ULK4: variants seen among roughly 807,000 people sequenced by gnomAD.
ULK4 encodes the protein inactive serine/threonine-protein kinase ULK4.
ULK4 carries 133 observed loss-of-function variants against 160.6 expected under a neutral mutation model. The observed-to-expected ratio is 0.83, with a 90% CI of 0.72 to 0.96. The LOEUF is 0.96. Among genes scored for constraint, ULK4 ranks in the 40% least tolerant of loss-of-function variants. The pLI, the probability that ULK4 is intolerant of heterozygous loss-of-function variation, is 0.00. For missense variants in ULK4, 1,580 were observed against 1,499.5 expected, an observed-to-expected ratio of 1.05 and a Z score of -0.89; for synonymous variants, 534 against 539.8, an observed-to-expected ratio of 0.99 and a Z score of 0.15.
intron 11 of ULK4, among the ~76,000 whole-genome samples, chr3:41,908,617 TG>T (rs1176581598): frequency 6.6e-6 from 1 of 151,998 alleles, no homozygotes; most frequent in Non-Finnish European, 1.5e-5. Context: ...GGCTAATTTT[TG>T]TATTTTTAGT....
intron 19 of ULK4, among the ~76,000 whole-genome samples, chr3:41,806,460 A>G (rs1356242712): frequency 5.3e-5 from 8 of 152,052 alleles, no homozygotes; most frequent in Admixed American, 3.3e-4. Context: ...AATTTTTTCA[A>G]GGGTTTTTTG....
intron 32 of ULK4, among the ~76,000 whole-genome samples, chr3:41,562,176 T>G (rs749920460): frequency 2.1e-4 from 32 of 152,202 alleles, no homozygotes; most frequent in Non-Finnish European, 4.4e-4. Flanking sequence ...CAGTTTTGAG[T>G]GAGTTTCCTA....
intron 17 of ULK4, among the ~76,000 whole-genome samples, chr3:41,881,582 A>G (rs1716683): frequency 0.69 from 104,810 of 152,080 alleles, 39,456 homozygotes; most frequent in East Asian, 0.83. Flanking sequence ...ACAAAGGAGC[A>G]CCTAGCTCAA....
At chr3:41,258,814 T>C (rs2078887087) in intron 35 of ULK4, among the ~76,000 whole-genome samples, 1 of 152,046 alleles carries the variant, frequency 6.6e-6, no homozygotes, top group Non-Finnish European at 1.5e-5. Flanking sequence ...TGAATTATAC[T>C]AAATACATAA....
chr3:41,744,328 T>C (rs907488196), intron 22 of ULK4, among the ~76,000 whole-genome samples: 5 of 151,970 alleles, frequency 3.3e-5, no homozygotes, highest in Admixed American at 3.3e-4. Context: ...TATGCAATGA[T>C]ATAGATAAGT....
At chr3:41,389,997 GGT>G (rs1575502059) in intron 35 of ULK4, among the ~76,000 whole-genome samples, 1 of 152,028 alleles carries the variant, frequency 6.6e-6, no homozygotes, top group Admixed American at 6.5e-5. Flanking sequence ...GAATCCATCT[GGT>G]CCTGAACTCT....
chr3:41,565,852 A>G (rs1200193549), intron 32 of ULK4, among the ~76,000 whole-genome samples, 173 bp downstream of exon 32: 1 of 152,178 alleles, frequency 6.6e-6, no homozygotes, highest in Non-Finnish European at 1.5e-5. Context: ...AAGAGAATGA[A>G]TTAACTTAGA....
chr3:41,556,769 G>A (rs1020980075), intron 32 of ULK4, among the ~76,000 whole-genome samples: 6 of 152,012 alleles, frequency 3.9e-5, no homozygotes, highest in African/African-American at 1.2e-4. Context: ...TTACAGGCAT[G>A]ACCCACTGTG....
At chr3:41,735,740 C>T (rs201542630) in intron 22 of ULK4, among the ~76,000 whole-genome samples, 1 of 142,872 alleles carries the variant, frequency 7.0e-6, no homozygotes, top group Non-Finnish European at 1.5e-5. Flanking sequence ...GGTACATGTG[C>T]ACAATGTGCA....
intron 25 of ULK4, among the ~76,000 whole-genome samples, chr3:41,705,968 A>C (rs2036862054): frequency 6.6e-6 from 1 of 152,152 alleles, no homozygotes; most frequent in Non-Finnish European, 1.5e-5. Flanking sequence ...AGGTCAATCA[A>C]GCTTTAGCTA....
intron 3 of ULK4, among the ~76,000 whole-genome samples, chr3:41,936,303 T>A (rs913631329): frequency 7.9e-5 from 12 of 152,322 alleles, no homozygotes; most frequent in Non-Finnish European, 1.6e-4. Flanking sequence ...TGTTGTGCAG[T>A]CAGGTCACAT....
intron 20 of ULK4, among the ~76,000 whole-genome samples, chr3:41,798,933 T>G (rs2040377520): frequency 6.6e-6 from 1 of 152,086 alleles, no homozygotes; most frequent in Admixed American, 6.6e-5. Context: ...AAGGAACAGC[T>G]TGTCAATGGT....
chr3:41,433,373 T>G, intron 34 of ULK4, among the ~76,000 whole-genome samples: 1 of 152,220 alleles, frequency 6.6e-6, no homozygotes, highest in East Asian at 1.9e-4. Flanking sequence ...AATCTTTTGA[T>G]GAGAATGAAA....
chr3:41,880,921 G>A (rs1716666), intron 17 of ULK4, among the ~76,000 whole-genome samples: 1 of 151,980 alleles, frequency 6.6e-6, no homozygotes, highest in African/African-American at 2.4e-5. Flanking sequence ...AGACTCTATC[G>A]CAAAAAAATA....
chr3:41,879,467 A>G (rs915788136), intron 17 of ULK4, among the ~76,000 whole-genome samples: 10 of 151,938 alleles, frequency 6.6e-5, no homozygotes, highest in African/African-American at 2.4e-4. Flanking sequence ...TAGCCTCTCT[A>G]CTTCTATATA....
At chr3:41,559,201 C>A (rs62256899) in intron 32 of ULK4, among the ~76,000 whole-genome samples, 1 of 140,270 alleles carries the variant, frequency 7.1e-6, no homozygotes, top group Admixed American at 7.5e-5. Context: ...ACAAAGGACA[C>A]GAACTCATCC....
intron 21 of ULK4, among the ~76,000 whole-genome samples, chr3:41,769,132 A>G (rs569203265): frequency 9.2e-5 from 14 of 152,330 alleles, no homozygotes; most frequent in Admixed American, 2.0e-4. Context: ...TTGTAACACA[A>G]TAACTCTGGG....
chr3:41,543,517 G>A (rs2086761298), intron 32 of ULK4, among the ~76,000 whole-genome samples: 1 of 151,990 alleles, frequency 6.6e-6, no homozygotes, highest in South Asian at 2.1e-4. Context: ...CAGTCCTCTG[G>A]GTTATCTTCT....
At chr3:41,927,633 A>G (rs1033156458) in intron 5 of ULK4, among the ~76,000 whole-genome samples, 2 of 151,712 alleles carry the variant, frequency 1.3e-5, no homozygotes, top group African/African-American at 4.8e-5. Flanking sequence ...ACATAAGCTC[A>G]AAATACAGGG....
Sources: allele counts gnomAD v4.1 joint callset (sites outside exome capture counted in the v4.1 genomes callset), GRCh38; gene constraint gnomAD v4.1.1; transcripts MANE v1.5; gene names NCBI Gene and HGNC (gene_info 2026-07-23, HGNC 2026-07-21).